PAPSS1: variants seen among roughly 807,000 people sequenced by gnomAD.
The protein encoded by PAPSS1 is bifunctional 3'-phosphoadenosine 5'-phosphosulfate synthase 1.
In PAPSS1, 50 loss-of-function variants were observed where a neutral mutation model predicts 72.0. The ratio of observed to expected loss-of-function variants is 0.69; its 90% CI spans 0.55 to 0.88. The LOEUF is 0.88. Ranked by LOEUF, PAPSS1 falls within the 40% of genes least tolerant of loss-of-function variation. The pLI, the probability that PAPSS1 is intolerant of heterozygous loss-of-function variation, is 0.00. For synonymous variants in PAPSS1, 261 were observed against 263.6 expected (o/e 0.99, Z 0.09); for missense variants, 657 against 782.2 (o/e 0.84, Z 1.91).
chr4:107,720,021 G>A (rs1723739342), intron 1 of PAPSS1, 99 bp downstream of exon 1: 23 of 1,554,426 alleles, frequency 1.5e-5, no homozygotes, highest in Non-Finnish European at 1.8e-5. Context: ...CTCCTGGAAG[G>A]ATGGATGCGG....
chr4:107,694,936 G>C (rs1004446207), intron 2 of PAPSS1, among the ~76,000 whole-genome samples: 3 of 127,676 alleles, frequency 2.3e-5, no homozygotes, highest in Non-Finnish European at 5.1e-5. Context: ...TGGTAGTACA[G>C]AAGGCTAACT....
intron 5 of PAPSS1, among the ~76,000 whole-genome samples, chr4:107,670,397 G>T (rs1229113702): frequency 6.6e-6 from 1 of 152,050 alleles, no homozygotes; most frequent in African/African-American, 2.4e-5. Flanking sequence ...ACAAGCAATA[G>T]CACCAAAGAA....
intron 3 of PAPSS1, among the ~76,000 whole-genome samples, chr4:107,690,845 T>C (rs2522423): frequency 0.79 from 120,426 of 152,022 alleles, 50,945 homozygotes; most frequent in South Asian, 0.95. Flanking sequence ...CACACACTCT[T>C]AGATACCCAG....
chr4:107,654,749 C>T lies in PAPSS1; in HGVS notation c.1047G>A (p.Glu349=). 1 of 1,613,884 alleles carries T rather than the reference C, an allele frequency of 6.2e-7. No individual in the cohort carries two copies. Among genetic ancestry groups the T allele is most frequent in the Non-Finnish European group, 8.5e-7 (1 of 1,179,900 alleles). The change falls in exon 8 of 12, where the codon GAG becomes GAA. Residue 349 remains glutamate, a synonymous_variant. Transcript: ENST00000265174. ...RNPEFFEHRK[E]ERCARQWGTT... ...TTCCCCACTGTCTGGCACAGCGCTC[C>T]TCTTTCCTGTGCTCAAAAAACTCTG...
At position 107,684,975 on chromosome 4, in the gene PAPSS1, G is replaced by C. The variant is rs781308051; in HGVS notation, c.550+2064C>G. On this transcript the variant is annotated intron_variant, in intron 4 of 11. Transcript: ENST00000265174. ...GGCTAGAGTGCAGTGGCACAATTTC[G>C]GCTCACTGCAAGCTCTGCCTCCTGT... Among the ~76,000 whole-genome samples, 5 of 151,924 alleles carry C rather than the reference G, an allele frequency of 3.3e-5. No homozygotes were observed. The East Asian group carries it at 7.8e-4, about 24-fold the overall frequency.
At chr4:107,658,949 T>C (rs1403852866) in intron 6 of PAPSS1, among the ~76,000 whole-genome samples, 1 of 152,188 alleles carries the variant, frequency 6.6e-6, no homozygotes, top group East Asian at 1.9e-4. Flanking sequence ...GAATTGAAAA[T>C]ACATTCCATT....
chr4:107,668,965 T>G (rs1272292832), intron 5 of PAPSS1, among the ~76,000 whole-genome samples: 2 of 152,120 alleles, frequency 1.3e-5, no homozygotes, highest in Non-Finnish European at 2.9e-5. Flanking sequence ...AAACACATAC[T>G]CTAAAGCTAC....
chr4:107,656,841 A>C, intron 7 of PAPSS1, 55 bp downstream of exon 7: 1 of 1,209,856 alleles, frequency 8.3e-7, no homozygotes, highest in Non-Finnish European at 1.2e-6. Flanking sequence ...AAATCTCTGC[A>C]ACTATGTAAT....
At chr4:107,696,874 C>G (rs1723079024) in intron 2 of PAPSS1, among the ~76,000 whole-genome samples, 2 of 152,160 alleles carry the variant, frequency 1.3e-5, no homozygotes, top group South Asian at 4.1e-4. Context: ...AATATCCCAT[C>G]CTACAAGTGT....
chr4:107,634,139 TC>T (rs1348827342), intron 10 of PAPSS1, among the ~76,000 whole-genome samples: 1 of 151,924 alleles, frequency 6.6e-6, no homozygotes, highest in Admixed American at 6.6e-5. Flanking sequence ...CATCTCAGCC[TC>T]CCAAGCAGCT....
intron 9 of PAPSS1, among the ~76,000 whole-genome samples, chr4:107,646,976 C>A (rs61072168): frequency 0.035 from 5,318 of 152,246 alleles, 279 homozygotes; most frequent in African/African-American, 0.12. Context: ...CACACTCAGC[C>A]TTCATCATCT....
In PAPSS1 at chr4:107,693,770, C is replaced by T; in HGVS notation, c.411+1G>A. ...AAGGCAATGGCACAAAAACCACATA[C>T]CTGAGTGTAAGGTGATATGAAACTT... On this transcript the variant is annotated splice_donor_variant, in intron 3 of 11. Transcript: ENST00000265174. LOFTEE classifies it high-confidence loss of function. The T allele has an allele frequency of 6.2e-7, 1 of 1,607,388 alleles. No individual in the cohort carries two copies.
rs1012601001 is a variant in PAPSS1, at chr4:107,701,056, C to T, written c.175+115G>A. The stretch of plus-strand genomic sequence containing the variant: ...TTAAGCAACTATGTCAGTTATATGT[C>T]GTGATGCTCCAAATACAAGAACAGA... On this transcript the variant is annotated intron_variant, in intron 2 of 11. Transcript: ENST00000265174. 3 of 521,436 alleles carry T rather than the reference C, an allele frequency of 5.8e-6. No homozygotes were observed. In the African/African-American group the frequency reaches 5.9e-5, roughly 10 times the overall value. The allele number at this position is 521,436 out of a possible 1,614,324, so 32.3% of individuals were successfully genotyped here.
chr4:107,646,702 C>T (rs369038012), intron 9 of PAPSS1, among the ~76,000 whole-genome samples: 1 of 152,110 alleles, frequency 6.6e-6, no homozygotes, highest in Non-Finnish European at 1.5e-5. Context: ...CCCGTCAAGC[C>T]CCTCCCAACC....
At chr4:107,631,121 C>G (rs1726215955) in intron 11 of PAPSS1, among the ~76,000 whole-genome samples, 1 of 152,092 alleles carries the variant, frequency 6.6e-6, no homozygotes, top group Non-Finnish European at 1.5e-5. Flanking sequence ...CCCAAGGTAC[C>G]TCATTCAAAT....
At chr4:107,616,684 GT>G (rs2110293699) in intron 11 of PAPSS1, among the ~76,000 whole-genome samples, 2 of 152,218 alleles carry the variant, frequency 1.3e-5, no homozygotes, top group South Asian at 2.1e-4. Flanking sequence ...CTACTACTTT[GT>G]TTTTTGAAAG....
intron 5 of PAPSS1, among the ~76,000 whole-genome samples, chr4:107,668,775 C>CAT (rs1164356746): frequency 2.0e-5 from 3 of 151,890 alleles, no homozygotes; most frequent in South Asian, 2.1e-4. Context: ...TTAATAAACT[C>CAT]ATATATATAT....
chr4:107,696,247 C>T (rs934313329), intron 2 of PAPSS1, among the ~76,000 whole-genome samples: 83 of 152,160 alleles, frequency 5.5e-4, no homozygotes, highest in African/African-American at 1.9e-3. Flanking sequence ...GAATATAAAT[C>T]ATTCTACTAT....
At chr4:107,677,799 A>G (rs1333099722) in intron 5 of PAPSS1, among the ~76,000 whole-genome samples, 3 of 152,120 alleles carry the variant, frequency 2.0e-5, no homozygotes, top group African/African-American at 7.2e-5. Context: ...ATGTCCAACA[A>G]TGATAGACTG....
Sources: gnomAD v4.1 joint callset for allele counts (sites outside exome capture counted in the v4.1 genomes callset) on GRCh38, gnomAD v4.1.1 for gene constraint, MANE v1.5 for transcripts, NCBI Gene and HGNC (gene_info 2026-07-23, HGNC 2026-07-21) for gene names.